Variants in NCOA7 observed in about 807,000 individuals in gnomAD.
NCOA7 encodes the protein nuclear receptor coactivator 7.
A neutral mutation model predicts 104.3 loss-of-function variants in NCOA7; 45 were observed. The ratio of observed to expected loss-of-function variants is 0.43; its 90% CI spans 0.34 to 0.55. The LOEUF is 0.55. Among genes scored for constraint, NCOA7 ranks in the 20% least tolerant of loss-of-function variants. The pLI, the probability that NCOA7 is intolerant of heterozygous loss-of-function variation, is 0.02. For synonymous variants in NCOA7, 398 were observed against 402.3 expected (o/e 0.99, Z 0.13); for missense variants, 1,041 against 1,119.7 (o/e 0.93, Z 1.00).
At chr6:125,854,246 G>T (rs191054061) in intron 2 of NCOA7, among the ~76,000 whole-genome samples, 3 of 152,292 alleles carry the variant, frequency 2.0e-5, no homozygotes, top group Admixed American at 2.0e-4. Flanking sequence ...CGACTATCAA[G>T]TACAGAGTGA....
rs370302298 is a variant in NCOA7 at position 125,881,235 on chromosome 6, A to G, written c.573+32A>G. The G allele has an allele frequency of 3.1e-4, 426 of 1,389,878 alleles. 1 individual carries two copies. Among genetic ancestry groups the G allele is most frequent in the Non-Finnish European group, 1.0e-4 (100 of 977,374 alleles). 86.1% of individuals were successfully genotyped at this position (1,389,878 alleles called of 1,614,324 possible). A position where few individuals can be genotyped will look rare whatever the true frequency, so the allele number is the denominator to read the frequency against. On this transcript the variant is annotated intron_variant, in intron 6 of 15. Transcript: ENST00000392477. ...ATATTATGCACTGAAGTTCATTTTT[A>G]TTAAAGAGACTTCTTTTAAGTTGTA... is the stretch of plus-strand genomic sequence containing the variant.
chr6:125,821,648 T>G (rs1778197039), intron 2 of NCOA7, among the ~76,000 whole-genome samples: 1 of 152,228 alleles, frequency 6.6e-6, no homozygotes, highest in Non-Finnish European at 1.5e-5. Context: ...AATCCATGTC[T>G]TATCAACTTA....
intron 7 of NCOA7, among the ~76,000 whole-genome samples, chr6:125,884,324 C>A (rs1402648621): frequency 3.9e-5 from 6 of 152,122 alleles, no homozygotes; most frequent in Non-Finnish European, 8.8e-5. Context: ...AGTGCAGATA[C>A]CTGTTTGAGA....
intron 10 of NCOA7, among the ~76,000 whole-genome samples, chr6:125,914,844 T>C (rs539688655): frequency 1.3e-5 from 2 of 152,356 alleles, no homozygotes; most frequent in East Asian, 3.9e-4. Context: ...AATATTAAAA[T>C]AGTAGCCAGT....
intron 8 of NCOA7, among the ~76,000 whole-genome samples, chr6:125,888,024 T>G (rs1305578025): frequency 6.6e-6 from 1 of 152,226 alleles, no homozygotes; most frequent in East Asian, 1.9e-4. Flanking sequence ...TCTAGTCATT[T>G]TTTTTAAATG....
intron 13 of NCOA7, among the ~76,000 whole-genome samples, chr6:125,924,009 A>T (rs779841298): frequency 2.6e-5 from 4 of 152,156 alleles, no homozygotes; most frequent in Non-Finnish European, 5.9e-5. Flanking sequence ...TTATTTCCTG[A>T]TTGCTGACAT....
chr6:125,852,601 G>A (rs1781219433), intron 2 of NCOA7, among the ~76,000 whole-genome samples: 1 of 152,130 alleles, frequency 6.6e-6, no homozygotes, highest in Admixed American at 6.5e-5. Context: ...AGAGATAAGG[G>A]ATGCAGTTTC....
chr6:125,846,352 GAA>G (rs202066680), intron 2 of NCOA7, among the ~76,000 whole-genome samples: 1 of 88,916 alleles, frequency 1.1e-5, no homozygotes, highest in African/African-American at 3.7e-5. Context: ...ATATAAAAAA[GAA>G]AAAAAAATTT....
chr6:125,918,462 C>G (rs1375250925), intron 11 of NCOA7, among the ~76,000 whole-genome samples: 1 of 152,120 alleles, frequency 6.6e-6, no homozygotes, highest in East Asian at 1.9e-4. Flanking sequence ...TCTTTATAAC[C>G]CCCAGTGTGA....
At chr6:125,847,452 G>A (rs1780721956) in intron 2 of NCOA7, among the ~76,000 whole-genome samples, 1 of 152,122 alleles carries the variant, frequency 6.6e-6, no homozygotes, top group African/African-American at 2.4e-5. Flanking sequence ...GCCATACAAG[G>A]TATTTACGTC....
intron 9 of NCOA7, 130 bp from the exon 10 acceptor site, chr6:125,890,512 A>G (rs1250613806): frequency 3.4e-6 from 3 of 874,948 alleles, no homozygotes; most frequent in Non-Finnish European, 5.0e-6. Context: ...TAGTCCTGAT[A>G]CGATGTTGTA....
At chr6:125,884,737 T>C (rs571911070) in intron 7 of NCOA7, among the ~76,000 whole-genome samples, 56 of 152,260 alleles carry the variant, frequency 3.7e-4, no homozygotes, top group Non-Finnish European at 6.6e-4. Flanking sequence ...CACAGAACCA[T>C]GCACTTGTCA....
chr6:125,837,194 A>T (rs1171685503), intron 2 of NCOA7, among the ~76,000 whole-genome samples: 1 of 151,600 alleles, frequency 6.6e-6, no homozygotes. Flanking sequence ...TTTGACATAG[A>T]TAACTTATAA....
intron 1 of NCOA7, 21 bp from the exon 2 acceptor site, chr6:125,815,270 C>T: frequency 9.9e-7 from 1 of 1,008,270 alleles, no homozygotes; most frequent in Non-Finnish European, 1.5e-6. Context: ...TTTACAGTTG[C>T]TTTGTTATCT....
At chr6:125,860,203 T>C (rs1445281168) in intron 3 of NCOA7, among the ~76,000 whole-genome samples, 1 of 152,206 alleles carries the variant, frequency 6.6e-6, no homozygotes, top group African/African-American at 2.4e-5. Flanking sequence ...TTGGTGAAAA[T>C]GTGTCAATAT....
At chr6:125,888,846 T>A in intron 8 of NCOA7, 93 bp from the exon 9 acceptor site, 1 of 882,944 alleles carries the variant, frequency 1.1e-6, no homozygotes, top group Non-Finnish European at 1.7e-6. Flanking sequence ...TGGTTTTTGG[T>A]TGAGTTTCTG....
chr6:125,785,931 CA>C (rs1468975213), intron 1 of NCOA7, among the ~76,000 whole-genome samples: 1 of 152,150 alleles, frequency 6.6e-6, no homozygotes, highest in African/African-American at 2.4e-5. Flanking sequence ...AAAGACGCCA[CA>C]AAAAGGTGAT....
intron 1 of NCOA7, among the ~76,000 whole-genome samples, chr6:125,811,938 A>C (rs1777050550): frequency 6.6e-6 from 1 of 152,182 alleles, no homozygotes; most frequent in Non-Finnish European, 1.5e-5. Flanking sequence ...TCTGGCTCCA[A>C]AGGTTATTGA....
intron 5 of NCOA7, among the ~76,000 whole-genome samples, chr6:125,880,155 T>C (rs2128645720): frequency 6.6e-6 from 1 of 152,318 alleles, no homozygotes; most frequent in South Asian, 2.1e-4. Context: ...GTGGGGGTAG[T>C]TTTTAGTTAC....
Sources: gnomAD v4.1 joint callset for allele counts (sites outside exome capture counted in the v4.1 genomes callset) on GRCh38, gnomAD v4.1.1 for gene constraint, MANE v1.5 for transcripts, NCBI Gene and HGNC (gene_info 2026-07-23, HGNC 2026-07-21) for gene names.